The following LPP variants were observed in gnomAD, a reference collection of about 807,000 sequenced individuals.
LPP encodes LIM domain containing preferred translocation partner in lipoma.
LPP carries 38 observed loss-of-function variants against 60.4 expected under a neutral mutation model. That is an observed-to-expected ratio of 0.63 (90% CI 0.49 to 0.83). LPP has a LOEUF of 0.83. Among genes scored for constraint, LPP ranks in the 40% least tolerant of loss-of-function variants. LPP has a pLI of 0.00. For missense variants in LPP, 902 were observed against 783.6 expected (o/e 1.15, Z -1.80); for synonymous variants, 328 against 290.8 (o/e 1.13, Z -1.30).
At chr3:188,763,413 T>G (rs576333874) in intron 9 of LPP, among the ~76,000 whole-genome samples, 7 of 152,120 alleles carry the variant, frequency 4.6e-5, no homozygotes, top group Non-Finnish European at 1.0e-4. Flanking sequence ...CAACTTAAGA[T>G]CCTATTAAAA....
intron 2 of LPP, among the ~76,000 whole-genome samples, chr3:188,250,646 TG>T (rs1185664371): frequency 6.6e-6 from 1 of 152,144 alleles, no homozygotes; most frequent in Non-Finnish European, 1.5e-5. Context: ...TGCGTTCTAC[TG>T]TATGCGGGAG....
intron 2 of LPP, among the ~76,000 whole-genome samples, chr3:188,284,375 C>T (rs768513483): frequency 1.3e-4 from 20 of 152,124 alleles, no homozygotes; most frequent in South Asian, 2.1e-4. Flanking sequence ...TGTAGGACAA[C>T]GGCAAGTGGG....
chr3:188,857,199 A>G (rs1268301846), intron 9 of LPP, among the ~76,000 whole-genome samples: 2 of 152,224 alleles, frequency 1.3e-5, no homozygotes, highest in Non-Finnish European at 2.9e-5. Context: ...CAGTTGGACA[A>G]GATGATTCGG....
At chr3:188,710,812 A>G (rs1001204358) in intron 8 of LPP, 1 of 152,212 alleles carries the variant, frequency 6.6e-6, no homozygotes, top group Non-Finnish European at 1.5e-5. Flanking sequence ...TATATATTGA[A>G]CACTCTGGGA....
intron 6 of LPP, among the ~76,000 whole-genome samples, chr3:188,587,681 T>C (rs955782244): frequency 6.6e-6 from 1 of 152,218 alleles, no homozygotes; most frequent in South Asian, 2.1e-4. Flanking sequence ...ATTTGGAATT[T>C]AGATTAAGAG....
At position 188,154,187 on chromosome 3, in the gene LPP, AGCCGCCGCCGCC is replaced by A. The variant is rs542213743; in HGVS notation, c.-239_-228del. The A allele has an allele frequency of 1.3e-4, 28 of 212,088 alleles. No individual in the cohort carries two copies. Among genetic ancestry groups the A allele is most frequent in the African/African-American group, 3.1e-4 (13 of 41,588 alleles). 13.1% of individuals were successfully genotyped at this position (212,088 alleles called of 1,614,324 possible). A position where few individuals can be genotyped will look rare whatever the true frequency, so the allele number is the denominator to read the frequency against. On this transcript the variant is annotated 5_prime_UTR_variant, in exon 1 of 12. Coordinates refer to ENST00000617246, the MANE Select transcript of LPP (RefSeq NM_001375462.1). ...CTCCTCTGCCTCTGCCTCCGCCTCCAGCCGCCGCCGCCGCCGCCGCCGCCGCCACCACCACCG... is the reference window on the plus strand; with the variant it reads ...CTCCTCTGCCTCTGCCTCCGCCTCCAGCCGCCGCCGCCGCCACCACCACCG...
At chr3:188,542,239 A>G (rs1825397673) in intron 6 of LPP, among the ~76,000 whole-genome samples, 1 of 152,182 alleles carries the variant, frequency 6.6e-6, no homozygotes. Context: ...ATCATATATG[A>G]TATTGTGAGA....
intron 8 of LPP, among the ~76,000 whole-genome samples, chr3:188,752,403 G>A (rs924924803): frequency 3.9e-5 from 6 of 152,188 alleles, no homozygotes; most frequent in African/African-American, 1.4e-4. Flanking sequence ...CCAATAGCTA[G>A]TAACAAAGGC....
intron 6 of LPP, among the ~76,000 whole-genome samples, chr3:188,563,422 G>A (rs1239923589): frequency 6.8e-6 from 1 of 147,386 alleles, no homozygotes; most frequent in Non-Finnish European, 1.5e-5. Context: ...ATCTTTCCAA[G>A]CATGTATCTA....
At chr3:188,414,248 G>A (rs1006792754) in intron 4 of LPP, among the ~76,000 whole-genome samples, 1 of 151,796 alleles carries the variant, frequency 6.6e-6, no homozygotes, top group African/African-American at 2.4e-5. Flanking sequence ...CTTTAATATA[G>A]GTTAAGTAAC....
chr3:188,285,461 C>G (rs1342648283), intron 2 of LPP, among the ~76,000 whole-genome samples: 1 of 152,048 alleles, frequency 6.6e-6, no homozygotes, highest in East Asian at 1.9e-4. Flanking sequence ...CTGTGCTGTC[C>G]AGGGTGGAGT....
At chr3:188,588,244 C>T (rs1837914824) in intron 6 of LPP, among the ~76,000 whole-genome samples, 1 of 152,180 alleles carries the variant, frequency 6.6e-6, no homozygotes. Flanking sequence ...AAGTAATTTG[C>T]ATCAGAGGTG....
chr3:188,617,209 C>A (rs144866988), intron 7 of LPP, among the ~76,000 whole-genome samples: 172 of 152,224 alleles, frequency 1.1e-3, no homozygotes, highest in African/African-American at 4.0e-3. Context: ...GACATAGAAG[C>A]GATTTTCAGA....
intron 6 of LPP, among the ~76,000 whole-genome samples, chr3:188,542,781 C>T (rs1825569440): frequency 6.6e-6 from 1 of 152,098 alleles, no homozygotes; most frequent in Admixed American, 6.6e-5. Context: ...AGCAATGGGT[C>T]CTCTTCCCAG....
chr3:188,343,953 C>G (rs1763685301), intron 3 of LPP, among the ~76,000 whole-genome samples: 1 of 152,188 alleles, frequency 6.6e-6, no homozygotes. Context: ...CATTGTTTTT[C>G]TCTGCTCTCA....
intron 1 of LPP, among the ~76,000 whole-genome samples, chr3:188,159,516 T>G (rs1184943043): frequency 6.6e-6 from 1 of 152,218 alleles, no homozygotes; most frequent in Non-Finnish European, 1.5e-5. Context: ...ATAAGCTGCT[T>G]GAGGATTGCA....
chr3:188,287,631 G>A (rs1016245423), intron 2 of LPP, among the ~76,000 whole-genome samples: 2 of 152,118 alleles, frequency 1.3e-5, no homozygotes, highest in Non-Finnish European at 2.9e-5. Flanking sequence ...GAGGTAGGAA[G>A]GTGGATGAAG....
chr3:188,341,184 G>A (rs141777835), intron 2 of LPP, among the ~76,000 whole-genome samples: 1,834 of 152,238 alleles, frequency 0.012, 35 homozygotes, highest in South Asian at 0.088. Context: ...TTAAGACAAT[G>A]AGTTGCTGTT....
At chr3:188,592,405 A>G (rs1327597091) in intron 6 of LPP, among the ~76,000 whole-genome samples, 2 of 151,718 alleles carry the variant, frequency 1.3e-5, no homozygotes, top group Admixed American at 1.3e-4. Context: ...CACAGATACA[A>G]GTATACATAG....
Sources: allele counts gnomAD v4.1 joint callset (sites outside exome capture counted in the v4.1 genomes callset), GRCh38; gene constraint gnomAD v4.1.1; transcripts MANE v1.5; gene names NCBI Gene and HGNC (gene_info 2026-07-23, HGNC 2026-07-21).